The following CEP85L variants were observed in gnomAD, a reference collection of about 807,000 sequenced individuals.
CEP85L encodes the protein centrosomal protein 85L, also known as centrosomal protein of 85 kDa-like.
Under a neutral mutation model 100.3 loss-of-function variants are expected in CEP85L, and 60 were observed. The observed-to-expected ratio is 0.60, with a 90% CI of 0.49 to 0.74. CEP85L has a LOEUF of 0.74. Among genes scored for constraint, CEP85L ranks in the 30% least tolerant of loss-of-function variants. The pLI, the probability that CEP85L is intolerant of heterozygous loss-of-function variation, is 0.00. For missense variants in CEP85L, 973 were observed against 936.2 expected, an observed-to-expected ratio of 1.04 and a Z score of -0.51; for synonymous variants, 319 against 322.7, an observed-to-expected ratio of 0.99 and a Z score of 0.12.
Position 118,567,278 on chromosome 6 carries a change from T to A in CEP85L, c.233-962A>T, listed in dbSNP as rs949931553. ...ATATATATATATATATATATATATA[T>A]ATATATATATCCATATTCACCCCAA... is the stretch of plus-strand genomic sequence containing the variant. On this transcript the variant is annotated intron_variant, in intron 2 of 12. Transcript: ENST00000368491. 2.9e-5 allele frequency among the ~76,000 whole-genome samples: 4 copies of A among 136,164 alleles called. No individual in the cohort carries two copies. The East Asian group carries it at 8.4e-4, about 29-fold the overall frequency. 89.3% of individuals were successfully genotyped at this position (136,164 alleles called of 152,430 possible). A position where few individuals can be genotyped will look rare whatever the true frequency, so the allele number is the denominator to read the frequency against.
chr6:118,658,458 C>T (rs868561427), intron 1 of CEP85L, among the ~76,000 whole-genome samples: 27 of 152,090 alleles, frequency 1.8e-4, no homozygotes, highest in African/African-American at 6.5e-4. Context: ...TTGTTTTTAA[C>T]ACAATAGAGT....
chr6:118,542,913 A>C (rs906497163), intron 3 of CEP85L, among the ~76,000 whole-genome samples: 5 of 150,452 alleles, frequency 3.3e-5, no homozygotes, highest in African/African-American at 1.2e-4. Context: ...AAAAAAAAAA[A>C]AAAAAAAAAA....
chr6:118,600,300 G>GGGTGTGTGTGTGTGTGTGTGTGTGT lies in CEP85L; in HGVS notation c.232+32152_232+32153insACACACACACACACACACACACACC, dbSNP rs1562297733. 1.1e-4 allele frequency among the ~76,000 whole-genome samples: 6 copies of GGGTGTGTGTGTGTGTGTGTGTGTGT among 52,246 alleles called. 2 individuals carry two copies. Among genetic ancestry groups the GGGTGTGTGTGTGTGTGTGTGTGTGT allele is most frequent in the East Asian group, 5.9e-4 (1 of 1,682 alleles). 34.3% of individuals were successfully genotyped at this position (52,246 alleles called of 152,430 possible). A position where few individuals can be genotyped will look rare whatever the true frequency, so the allele number is the denominator to read the frequency against. On this transcript the variant is annotated intron_variant, in intron 2 of 12. Coordinates refer to ENST00000368491, the MANE Select transcript of CEP85L (RefSeq NM_001042475.3). ...CTGCCTGTCCCTGAGCCTTCCTGGG[G>GGGTGTGTGTGTGTGTGTGTGTGTGT]GTGTGTGTGTGTGTGTGTGTGTGTG...
At chr6:118,621,220 C>T (rs1773421599) in intron 2 of CEP85L, among the ~76,000 whole-genome samples, 2 of 152,148 alleles carry the variant, frequency 1.3e-5, no homozygotes, top group African/African-American at 4.8e-5. Context: ...AGTACAAAAA[C>T]CAAATGGTCA....
intron 2 of CEP85L, among the ~76,000 whole-genome samples, chr6:118,592,303 C>T (rs886916493): frequency 2.0e-5 from 3 of 151,034 alleles, no homozygotes; most frequent in Non-Finnish European, 4.4e-5. Context: ...GCTATATAAC[C>T]CTGAATACAT....
chr6:118,586,775 G>A lies in CEP85L; in HGVS notation c.233-20459C>T, dbSNP rs113212506. 1.4e-4 allele frequency among the ~76,000 whole-genome samples: 21 copies of A among 152,260 alleles called. 1 individual carries two copies. Among genetic ancestry groups the A allele is most frequent in the African/African-American group, 5.1e-4 (21 of 41,558 alleles). On this transcript the variant is annotated intron_variant, in intron 2 of 12. Coordinates refer to ENST00000368491, the MANE Select transcript of CEP85L (RefSeq NM_001042475.3). The stretch of plus-strand genomic sequence containing the variant: ...TTGTCATTTCTACCTCTCCTTTTGA[G>A]CCAAATATCAGAACTTCTTTTTGGT...
upstream of CEP85L, among the ~76,000 whole-genome samples, chr6:118,655,380 A>G (rs955445144): frequency 3.3e-5 from 5 of 152,238 alleles, no homozygotes; most frequent in Admixed American, 1.3e-4. Flanking sequence ...GAAGTCTTCC[A>G]AAGGACCATC....
chr6:118,503,731 A>G (rs184406206), intron 5 of CEP85L, among the ~76,000 whole-genome samples: 9 of 151,810 alleles, frequency 5.9e-5, no homozygotes, highest in Admixed American at 1.3e-4. Flanking sequence ...GGACATCCAC[A>G]TGCAAAGAAA....
At chr6:118,678,568 C>G (rs1776551292) in intron 1 of CEP85L, among the ~76,000 whole-genome samples, 2 of 152,244 alleles carry the variant, frequency 1.3e-5, no homozygotes, top group Admixed American at 6.5e-5. Flanking sequence ...TGCCTCTTTA[C>G]TTTTCTGTAT....
chr6:118,585,655 A>C (rs1280191088), intron 2 of CEP85L, among the ~76,000 whole-genome samples: 1 of 152,216 alleles, frequency 6.6e-6, no homozygotes, highest in East Asian at 1.9e-4. Context: ...AAAGTCCTTA[A>C]AGTGCTTCAC....
At chr6:118,567,913 T>C (rs1291624374) in intron 2 of CEP85L, among the ~76,000 whole-genome samples, 1 of 152,250 alleles carries the variant, frequency 6.6e-6, no homozygotes, top group Non-Finnish European at 1.5e-5. Context: ...TATTCAAGAC[T>C]GCCTATCAGC....
At chr6:118,619,128 AG>A (rs779922588) in intron 2 of CEP85L, among the ~76,000 whole-genome samples, 2 of 151,820 alleles carry the variant, frequency 1.3e-5, no homozygotes, top group Non-Finnish European at 2.9e-5. Context: ...AAGACTAACC[AG>A]GGGTGCGGGC....
At chr6:118,659,549 A>G (rs1775904805) in intron 1 of CEP85L, among the ~76,000 whole-genome samples, 2 of 152,264 alleles carry the variant, frequency 1.3e-5, no homozygotes, top group African/African-American at 4.8e-5. Flanking sequence ...TTATTTTCAT[A>G]ATCTTAAAAA....
intron 2 of CEP85L, among the ~76,000 whole-genome samples, chr6:118,614,315 C>A (rs1199511371): frequency 6.6e-6 from 1 of 152,174 alleles, no homozygotes; most frequent in Non-Finnish European, 1.5e-5. Context: ...TCTGTGTAAT[C>A]AGAAACAAGG....
At chr6:118,604,575 AC>A (rs1772050423) in intron 2 of CEP85L, among the ~76,000 whole-genome samples, 2 of 152,224 alleles carry the variant, frequency 1.3e-5, no homozygotes, top group Non-Finnish European at 1.5e-5. Flanking sequence ...ATTACATGTT[AC>A]GATGTTAACT....
At chr6:118,671,727 C>T (rs1395965022) in intron 1 of CEP85L, among the ~76,000 whole-genome samples, 1 of 152,116 alleles carries the variant, frequency 6.6e-6, no homozygotes, top group African/African-American at 2.4e-5. Flanking sequence ...CACTTGAGGT[C>T]AGGAGTTCGA....
intron 4 of CEP85L, among the ~76,000 whole-genome samples, chr6:118,518,378 T>C (rs913909779): frequency 1.3e-5 from 2 of 152,228 alleles, no homozygotes; most frequent in African/African-American, 2.4e-5. Flanking sequence ...TTTTGGCTGG[T>C]GGGCTATTAA....
In CEP85L at chr6:118,558,173, A is replaced by G. The variant is rs545036017; in HGVS notation, c.1020+7356T>C. Among the ~76,000 whole-genome samples, 17 of 152,014 alleles carry G rather than the reference A, an allele frequency of 1.1e-4. No individual in the cohort carries two copies. In the South Asian group the frequency reaches 3.3e-3, roughly 30 times the overall value. On this transcript the variant is annotated intron_variant, in intron 3 of 12. Transcript: ENST00000368491. Reference sequence around the variant, plus strand: ...ACCATGTTGGCCAGGCTGGTCTCAAACTCCTGACCTCAGGGGAACTGCCCG... The same window carrying G: ...ACCATGTTGGCCAGGCTGGTCTCAAGCTCCTGACCTCAGGGGAACTGCCCG...
Position 118,465,312 on chromosome 6 carries a change from T to C in CEP85L, c.*93A>G. 8.2e-7 allele frequency: 1 copy of C among 1,218,916 alleles called. No individual in the cohort carries two copies. The highest frequency in any genetic ancestry group is 1.1e-6 in the Non-Finnish European group (1 of 890,196). 75.5% of individuals were successfully genotyped at this position (1,218,916 alleles called of 1,614,324 possible). ...AATCCACAGAAAAAAAATCCCTAAG[T>C]GCAAGTCATGTCACTTGCAACCTTC... is the stretch of plus-strand genomic sequence containing the variant. On this transcript the variant is annotated 3_prime_UTR_variant, in exon 13 of 13. Coordinates refer to ENST00000368491, the MANE Select transcript of CEP85L (RefSeq NM_001042475.3).
Sources: gnomAD v4.1 joint callset for allele counts (sites outside exome capture counted in the v4.1 genomes callset) on GRCh38, gnomAD v4.1.1 for gene constraint, MANE v1.5 for transcripts, NCBI Gene and HGNC (gene_info 2026-07-23, HGNC 2026-07-21) for gene names.